Variants in ATG13 observed in about 807,000 individuals in gnomAD.
The protein encoded by ATG13 is autophagy related 13.
In ATG13, 23 loss-of-function variants were observed where a neutral mutation model predicts 65.5. That is an observed-to-expected ratio of 0.35 (90% confidence interval 0.25 to 0.50). ATG13 has a LOEUF of 0.50. Ranked by LOEUF, ATG13 falls within the 20% of genes least tolerant of loss-of-function variation. ATG13 has a pLI of 0.98. For missense variants in ATG13, 566 were observed against 677.0 expected (o/e 0.84, Z 1.82); for synonymous variants, 252 against 245.2 (o/e 1.03, Z -0.26).
intron 1 of ATG13, among the ~76,000 whole-genome samples, chr11:46,619,062 A>T (rs2046390800): frequency 6.6e-6 from 1 of 152,150 alleles, no homozygotes; most frequent in Admixed American, 6.6e-5. Context: ...TGGGGTGTGG[A>T]GCTAAGTAAG....
At chr11:46,646,827 A>C (rs532664900) in intron 5 of ATG13, among the ~76,000 whole-genome samples, 1 of 151,790 alleles carries the variant, frequency 6.6e-6, no homozygotes, top group East Asian at 2.0e-4. Context: ...TGGCACAATC[A>C]TGGCTCATTG....
chr11:46,668,584 C>T lies in ATG13; in HGVS notation c.1329+8C>T. 1 of 1,613,478 alleles carries T rather than the reference C, an allele frequency of 6.2e-7. No individual in the cohort carries two copies. Among genetic ancestry groups the T allele is most frequent in the Non-Finnish European group, 8.5e-7 (1 of 1,179,352 alleles). On this transcript the variant is annotated splice_region_variant and intron_variant, in intron 16 of 18. Coordinates refer to ENST00000683050, the MANE Select transcript of ATG13 (RefSeq NM_001346311.2). ...GAGGATACCGATCCAATGGTGAGCCCACCGTTGACTACGAGTTCCCAGTAG... is the reference window on the plus strand; with the variant it reads ...GAGGATACCGATCCAATGGTGAGCCTACCGTTGACTACGAGTTCCCAGTAG...
At chr11:46,648,881 G>T in intron 5 of ATG13, 1 of 295,542 alleles carries the variant, frequency 3.4e-6, no homozygotes, top group Non-Finnish European at 6.2e-6. Flanking sequence ...GGATACTGTG[G>T]AACCATTTTA....
At position 46,617,702 on chromosome 11, in the gene ATG13, C is replaced by T; in HGVS notation, c.-258C>T. On this transcript the variant is annotated 5_prime_UTR_variant, in exon 1 of 19. Transcript: ENST00000683050. ...ACGTGGGTGCGACAACTCGCGGAGTCTTAGGAGCAAAACGTCTGGGGCCTG... is the reference window on the plus strand; with the variant it reads ...ACGTGGGTGCGACAACTCGCGGAGTTTTAGGAGCAAAACGTCTGGGGCCTG... 2.5e-6 allele frequency: 1 copy of T among 397,384 alleles called. No individual in the cohort carries two copies. Among genetic ancestry groups the T allele is most frequent in the Non-Finnish European group, 4.4e-6 (1 of 225,554 alleles). 24.6% of individuals were successfully genotyped at this position (397,384 alleles called of 1,614,324 possible). A position where few individuals can be genotyped will look rare whatever the true frequency, so the allele number is the denominator to read the frequency against.
intron 7 of ATG13, among the ~76,000 whole-genome samples, chr11:46,652,988 G>A (rs953205751): frequency 2.6e-5 from 4 of 151,828 alleles, no homozygotes; most frequent in African/African-American, 9.7e-5. Context: ...ATTGTCTATG[G>A]CTACTTTTGC....
intron 18 of ATG13, among the ~76,000 whole-genome samples, chr11:46,670,368 C>T (rs1404843321): frequency 6.6e-6 from 1 of 151,680 alleles, no homozygotes. Flanking sequence ...GTAATCCCAG[C>T]CACTCGGGAG....
At chr11:46,661,090 A>G (rs982798171) in intron 11 of ATG13, among the ~76,000 whole-genome samples, 4 of 151,492 alleles carry the variant, frequency 2.6e-5, no homozygotes, top group Admixed American at 6.6e-5. Flanking sequence ...CAGTAGCGCA[A>G]TCTTGGCTCA....
rs2064134247 is a variant in ATG13, at chr11:46,673,213, T to G, written c.*881T>G. The G allele has an allele frequency of 6.5e-6, 1 of 154,460 alleles. No individual in the cohort carries two copies. The highest frequency in any genetic ancestry group is 1.4e-5 in the Non-Finnish European group (1 of 69,378). The allele number at this position is 154,460 out of a possible 1,614,324, so 9.6% of individuals were successfully genotyped here. ...TTCACTTGGAGAAGGCGGAGGGCTC[T>G]TCCTGGGACGGAGACCTCCTCCTCC... On this transcript the variant is annotated 3_prime_UTR_variant, in exon 19 of 19. Coordinates refer to ENST00000683050, the MANE Select transcript of ATG13 (RefSeq NM_001346311.2).
intron 2 of ATG13, among the ~76,000 whole-genome samples, chr11:46,638,995 T>A (rs905606455): frequency 2.0e-5 from 3 of 149,534 alleles, no homozygotes; most frequent in Admixed American, 6.6e-5. Flanking sequence ...TTTATTTATT[T>A]ATTTTTTTTT....
In ATG13 at chr11:46,649,085, T is replaced by C. The variant is rs1429147251; in HGVS notation, c.271-52T>C. The C allele has an allele frequency of 7.2e-6, 11 of 1,531,778 alleles. No individual in the cohort carries two copies. The East Asian group carries it at 2.2e-4, about 30-fold the overall frequency. The allele number at this position is 1,531,778 out of a possible 1,614,324, so 94.9% of individuals were successfully genotyped here. On this transcript the variant is annotated intron_variant, in intron 5 of 18. Transcript: ENST00000683050. ...AATATTTTTATAGTGACTGTAATGC[T>C]TTGAAATTAAAAATTTTTTAAACAA...
intron 14 of ATG13, 128 bp from the exon 15 acceptor site, chr11:46,667,645 C>T: frequency 1.8e-6 from 1 of 569,432 alleles, no homozygotes; most frequent in South Asian, 3.1e-5. Flanking sequence ...ATGCCATCTC[C>T]CATTGATGGG....
chr11:46,643,605 G>A (rs962101397), intron 2 of ATG13, among the ~76,000 whole-genome samples: 29 of 149,274 alleles, frequency 1.9e-4, no homozygotes, highest in Admixed American at 5.3e-4. Flanking sequence ...ATTTCAACCT[G>A]GGAGGGCTTT....
intron 2 of ATG13, among the ~76,000 whole-genome samples, chr11:46,637,516 G>T (rs1019767563): frequency 5.9e-5 from 9 of 152,160 alleles, no homozygotes; most frequent in African/African-American, 1.9e-4. Context: ...GGGATTACAG[G>T]TGTACACCAC....
intron 10 of ATG13, among the ~76,000 whole-genome samples, chr11:46,658,046 G>T (rs2060381264): frequency 6.6e-6 from 1 of 150,708 alleles, no homozygotes; most frequent in African/African-American, 2.4e-5. Context: ...TCCAGCCTGG[G>T]CTACAGAGTG....
At chr11:46,668,652 T>TC in intron 16 of ATG13, 76 bp downstream of exon 16, 1 of 1,541,234 alleles carries the variant, frequency 6.5e-7, no homozygotes, top group South Asian at 1.1e-5. Flanking sequence ...GAGTCACTAA[T>TC]CCCCCACAGA....
At chr11:46,643,612 C>CT (rs763315083) in intron 2 of ATG13, among the ~76,000 whole-genome samples, 7,191 of 130,790 alleles carry the variant, frequency 0.055, 494 homozygotes, top group African/African-American at 0.16. Context: ...CCTGGGAGGG[C>CT]TTTTTTTTTT....
intron 2 of ATG13, among the ~76,000 whole-genome samples, chr11:46,642,898 C>G (rs991584151): frequency 2.0e-5 from 3 of 152,124 alleles, no homozygotes; most frequent in African/African-American, 7.2e-5. Flanking sequence ...TGGTCTGGCC[C>G]CAACCAGCTG....
chr11:46,669,669 C>G (rs1051359541), intron 18 of ATG13, 137 bp downstream of exon 18: 6 of 1,137,394 alleles, frequency 5.3e-6, no homozygotes, highest in Non-Finnish European at 1.2e-6. Flanking sequence ...CTTTTGATCA[C>G]TCTTGAGATT....
At chr11:46,669,600 G>T in intron 18 of ATG13, 68 bp downstream of exon 18, 1 of 1,554,738 alleles carries the variant, frequency 6.4e-7, no homozygotes. Context: ...CAAAGGCCTA[G>T]GAGGCCTACC....
Sources: gnomAD v4.1 joint callset for allele counts (sites outside exome capture counted in the v4.1 genomes callset) on GRCh38, gnomAD v4.1.1 for gene constraint, MANE v1.5 for transcripts, NCBI Gene and HGNC (gene_info 2026-07-23, HGNC 2026-07-21) for gene names.